GPC5: variants seen among roughly 807,000 people sequenced by gnomAD.
GPC5 encodes glypican-5.
GPC5 carries 47 observed loss-of-function variants against 53.9 expected under a neutral mutation model. The ratio of observed to expected loss-of-function variants is 0.87; its 90% CI spans 0.69 to 1.11. The LOEUF is 1.11. Ranked by LOEUF, GPC5 falls within the 50% of genes most tolerant of loss-of-function variation. The probability of loss-of-function intolerance (pLI) is 0.00; values close to 1 mark genes in which losing one functional copy is unlikely to be tolerated. For synonymous variants in GPC5, 286 were observed against 263.3 expected, an observed-to-expected ratio of 1.09 and a Z score of -0.84; for missense variants, 748 against 713.1, an observed-to-expected ratio of 1.05 and a Z score of -0.56.
chr13:92,616,094 C>T (rs1218462183), intron 7 of GPC5, among the ~76,000 whole-genome samples: 1 of 152,062 alleles, frequency 6.6e-6, no homozygotes, highest in Non-Finnish European at 1.5e-5. Flanking sequence ...CTTCCCCTAC[C>T]AACAACACCT....
intron 7 of GPC5, among the ~76,000 whole-genome samples, chr13:92,288,650 C>T (rs1566521466): frequency 1.3e-5 from 2 of 152,192 alleles, no homozygotes; most frequent in African/African-American, 2.4e-5. Context: ...TTCTGACAGT[C>T]TTGCCACCAG....
intron 7 of GPC5, among the ~76,000 whole-genome samples, chr13:92,184,645 T>C (rs1370719845): frequency 6.6e-6 from 1 of 152,224 alleles, no homozygotes; most frequent in Non-Finnish European, 1.5e-5. Context: ...TACTTTTTTG[T>C]TGAAAATTTA....
At chr13:92,428,274 T>A (rs1262415131) in intron 7 of GPC5, among the ~76,000 whole-genome samples, 2 of 152,144 alleles carry the variant, frequency 1.3e-5, no homozygotes, top group African/African-American at 4.8e-5. Flanking sequence ...TTGAGCCACA[T>A]CTTCATTTGG....
At chr13:91,479,000 C>G (rs1594141821) in intron 2 of GPC5, among the ~76,000 whole-genome samples, 1 of 150,030 alleles carries the variant, frequency 6.7e-6, no homozygotes, top group East Asian at 2.0e-4. Context: ...GCAACCTCCG[C>G]CTTCTGGGTT....
rs1009763639 is a variant in GPC5, at chr13:92,803,332, A to G, written c.1562-62950A>G. On this transcript the variant is annotated intron_variant, in intron 7 of 7. Transcript: ENST00000377067. The stretch of plus-strand genomic sequence containing the variant: ...CTATTACACCCTATCTACAGATCTC[A>G]AAGCATAAATTCACCAACCTCAAAA... Among the ~76,000 whole-genome samples, 4 of 152,018 alleles carry G rather than the reference A, an allele frequency of 2.6e-5. No individual in the cohort carries two copies. In the East Asian group the frequency reaches 7.8e-4, roughly 30 times the overall value.
intron 7 of GPC5, among the ~76,000 whole-genome samples, chr13:92,185,824 A>G (rs1233499285): frequency 3.3e-5 from 5 of 152,160 alleles, no homozygotes; most frequent in Non-Finnish European, 5.9e-5. Flanking sequence ...TATTGATAGT[A>G]TTCAATAACT....
At chr13:92,778,118 C>T (rs1169850822) in intron 7 of GPC5, among the ~76,000 whole-genome samples, 1 of 152,152 alleles carries the variant, frequency 6.6e-6, no homozygotes, top group African/African-American at 2.4e-5. Flanking sequence ...ATTTTGCTGT[C>T]ATATTTTAAG....
chr13:91,935,758 T>C (rs1252440571), intron 6 of GPC5, among the ~76,000 whole-genome samples: 1 of 152,014 alleles, frequency 6.6e-6, no homozygotes, highest in East Asian at 1.9e-4. Flanking sequence ...AAATTTGAAA[T>C]GTTTTTGAGA....
intron 6 of GPC5, among the ~76,000 whole-genome samples, chr13:91,990,625 G>A (rs1017546115): frequency 1.3e-5 from 2 of 152,058 alleles, no homozygotes; most frequent in African/African-American, 4.8e-5. Context: ...TTTATACTGA[G>A]TTTTAGAGAA....
chr13:91,607,913 T>A (rs542733928), intron 2 of GPC5, among the ~76,000 whole-genome samples: 4 of 152,300 alleles, frequency 2.6e-5, no homozygotes, highest in African/African-American at 9.6e-5. Flanking sequence ...GCTTTAGAAT[T>A]TTTTCCCCGA....
chr13:92,026,615 T>G (rs561600659), intron 6 of GPC5, among the ~76,000 whole-genome samples: 1 of 152,154 alleles, frequency 6.6e-6, no homozygotes, highest in East Asian at 1.9e-4. Context: ...ATTATATTGA[T>G]ACTTTATTTT....
chr13:92,528,714 T>C (rs932204540), intron 7 of GPC5, among the ~76,000 whole-genome samples: 3 of 152,054 alleles, frequency 2.0e-5, no homozygotes, highest in African/African-American at 7.2e-5. Context: ...TTTAATAAGG[T>C]AAATGTTCAA....
intron 5 of GPC5, among the ~76,000 whole-genome samples, chr13:91,904,290 T>G (rs1008223594): frequency 4.0e-5 from 6 of 151,816 alleles, no homozygotes; most frequent in Admixed American, 3.9e-4. Context: ...TCCCCCTGCC[T>G]CTGTTTCCTG....
chr13:92,395,380 G>A (rs1875220890), intron 7 of GPC5, among the ~76,000 whole-genome samples: 1 of 152,046 alleles, frequency 6.6e-6, no homozygotes, highest in South Asian at 2.1e-4. Context: ...TCTTATAACA[G>A]ACTATTCCCA....
rs576751821 is a variant in GPC5, at chr13:92,402,242, TAGC to T, written c.1561+257257_1561+257259del. Among the ~76,000 whole-genome samples, 17 of 152,292 alleles carry T rather than the reference TAGC, an allele frequency of 1.1e-4. No homozygotes were observed. In the South Asian group the frequency reaches 3.5e-3, roughly 32 times the overall value. ...ATTGAGATCAACCGTCACTTATTAA[TAGC>T]AGCGAGTTTGGGCAAACAAAATCAC... On this transcript the variant is annotated intron_variant, in intron 7 of 7. Coordinates refer to ENST00000377067, the MANE Select transcript of GPC5 (RefSeq NM_004466.6).
At chr13:92,121,419 C>T (rs2041648145) in intron 6 of GPC5, among the ~76,000 whole-genome samples, 1 of 152,192 alleles carries the variant, frequency 6.6e-6, no homozygotes, top group Admixed American at 6.5e-5. Context: ...GTCTAACTGT[C>T]ATTCAGCTAT....
At chr13:92,388,640 A>C (rs1208068029) in intron 7 of GPC5, among the ~76,000 whole-genome samples, 1 of 152,158 alleles carries the variant, frequency 6.6e-6, no homozygotes, top group Non-Finnish European at 1.5e-5. Context: ...ATACAGTAGG[A>C]AAACTTACAA....
intron 7 of GPC5, among the ~76,000 whole-genome samples, chr13:92,397,380 C>G (rs1426123141): frequency 6.6e-6 from 1 of 152,306 alleles, no homozygotes; most frequent in Non-Finnish European, 1.5e-5. Context: ...CTCTCTTGCC[C>G]GCCACTGTGG....
At position 91,740,262 on chromosome 13, in the gene GPC5, G is replaced by A. The variant is rs149647472; in HGVS notation, c.1154+11597G>A. ...GCAGAATGAGAGTAAGTGAAGGCAG[G>A]ATTACAGTATCCTCTCCTTAGGATA... is the stretch of plus-strand genomic sequence containing the variant. On this transcript the variant is annotated intron_variant, in intron 4 of 7. Coordinates refer to ENST00000377067, the MANE Select transcript of GPC5 (RefSeq NM_004466.6). 2.1e-3 allele frequency among the ~76,000 whole-genome samples: 320 copies of A among 152,258 alleles called. 1 individual carries two copies. Among genetic ancestry groups the A allele is most frequent in the African/African-American group, 7.5e-3 (310 of 41,550 alleles).
Sources: allele counts gnomAD v4.1 joint callset (sites outside exome capture counted in the v4.1 genomes callset), GRCh38; gene constraint gnomAD v4.1.1; transcripts MANE v1.5; gene names NCBI Gene and HGNC (gene_info 2026-07-23, HGNC 2026-07-21).